The following AMOTL1 variants were observed in gnomAD, a reference collection of about 807,000 sequenced individuals.
AMOTL1 encodes the protein angiomotin-like protein 1.
Under a neutral mutation model 102.9 loss-of-function variants are expected in AMOTL1, and 45 were observed. The ratio of observed to expected loss-of-function variants is 0.44; its 90% CI spans 0.34 to 0.56. The LOEUF (loss-of-function observed/expected upper bound fraction) is 0.56, where lower values mean the gene tolerates loss of function less well. AMOTL1 is among the 20% of genes least tolerant of loss of function. The pLI, the probability that AMOTL1 is intolerant of heterozygous loss-of-function variation, is 0.01. For missense variants in AMOTL1, 1,114 were observed against 1,225.6 expected, an observed-to-expected ratio of 0.91 and a Z score of 1.36; for synonymous variants, 481 against 484.7, an observed-to-expected ratio of 0.99 and a Z score of 0.10.
intron 1 of AMOTL1, among the ~76,000 whole-genome samples, chr11:94,774,066 A>G (rs1198439987): frequency 6.6e-6 from 1 of 152,214 alleles, no homozygotes; most frequent in African/African-American, 2.4e-5. Flanking sequence ...AATGCTGGGC[A>G]CGTTGAAAGC....
intron 3 of AMOTL1, among the ~76,000 whole-genome samples, chr11:94,756,310 C>A (rs1047614791): frequency 6.6e-6 from 1 of 152,168 alleles, no homozygotes; most frequent in Non-Finnish European, 1.5e-5. Context: ...TGGGCACAGG[C>A]CCGAGGATGG....
At chr11:94,838,544 TACCAAA>T (rs1376865171) in intron 6 of AMOTL1, among the ~76,000 whole-genome samples, 1 of 152,154 alleles carries the variant, frequency 6.6e-6, no homozygotes, top group Non-Finnish European at 1.5e-5. Context: ...AAACCTTATT[TACCAAA>T]ACAGGCTGTG....
chr11:94,752,724 T>C lies in AMOTL1; in HGVS notation c.136+11736T>C, dbSNP rs147250194. Among the ~76,000 whole-genome samples, 870 of 152,326 alleles carry C rather than the reference T, an allele frequency of 5.7e-3. 11 individuals are homozygous for C. The highest frequency in any genetic ancestry group is 0.02 in the African/African-American group (825 of 41,572). On this transcript the variant is annotated intron_variant, in intron 3 of 4. Coordinates refer to the AMOTL1 transcript ENST00000299004. ...GTGGACACTGAGACTGCTTTCAGGT[T>C]GCTGTCTAACAGTCAATAGCTTTTG...
intron 9 of AMOTL1, among the ~76,000 whole-genome samples, chr11:94,864,276 ATAG>A (rs1952833669): frequency 6.8e-6 from 1 of 147,702 alleles, no homozygotes; most frequent in African/African-American, 2.5e-5. Flanking sequence ...AATAATAATA[ATAG>A]TGTCCATAAG....
chr11:94,842,612 A>G (rs1952329864), intron 6 of AMOTL1, among the ~76,000 whole-genome samples: 1 of 152,248 alleles, frequency 6.6e-6, no homozygotes, highest in Admixed American at 6.5e-5. Flanking sequence ...CCATCTCTCC[A>G]GAAGATTTCT....
intron 4 of AMOTL1, among the ~76,000 whole-genome samples, chr11:94,828,990 A>G (rs1293753876): frequency 6.6e-6 from 1 of 152,178 alleles, no homozygotes; most frequent in Non-Finnish European, 1.5e-5. Flanking sequence ...TAACAATACA[A>G]TGGGATTTAT....
intron 1 of AMOTL1, among the ~76,000 whole-genome samples, chr11:94,785,220 C>T (rs1375564938): frequency 6.6e-6 from 1 of 152,136 alleles, no homozygotes; most frequent in African/African-American, 2.4e-5. Context: ...TTACAACTCT[C>T]CTAATTTTAA....
intron 4 of AMOTL1, among the ~76,000 whole-genome samples, chr11:94,822,382 G>A (rs2033366): frequency 0.21 from 31,706 of 152,032 alleles, 4,223 homozygotes; most frequent in East Asian, 0.46. Context: ...AGTCAAGATC[G>A]CTCCACTGCA....
intron 3 of AMOTL1, among the ~76,000 whole-genome samples, chr11:94,755,185 G>T (rs1320336084): frequency 7.2e-5 from 11 of 152,108 alleles, no homozygotes; most frequent in Admixed American, 7.2e-4. Flanking sequence ...ACAACTTCAG[G>T]GATTTGATGC....
At chr11:94,828,440 T>C (rs1277225940) in intron 4 of AMOTL1, among the ~76,000 whole-genome samples, 1 of 152,126 alleles carries the variant, frequency 6.6e-6, no homozygotes, top group Non-Finnish European at 1.5e-5. Flanking sequence ...CTATAAAAAC[T>C]TGGATGAGAT....
At chr11:94,743,195 T>C (rs1438854181) in intron 3 of AMOTL1, among the ~76,000 whole-genome samples, 6 of 152,178 alleles carry the variant, frequency 3.9e-5, no homozygotes, top group Non-Finnish European at 8.8e-5. Context: ...CTCAGTTTCC[T>C]TATCTGCAAA....
chr11:94,732,840 G>A (rs536351559), intron 2 of AMOTL1, among the ~76,000 whole-genome samples: 29 of 152,296 alleles, frequency 1.9e-4, no homozygotes, highest in African/African-American at 4.8e-4. Context: ...GCCTGGCAGC[G>A]TGGGCCAGGT....
upstream of AMOTL1, chr11:94,768,329 G>GTCTCGCGGC: frequency 7.3e-7 from 1 of 1,367,658 alleles, no homozygotes; most frequent in Non-Finnish European, 9.4e-7. Context: ...CCGCGCGCGG[G>GTCTCGCGGC]GAGCGGGGAG....
chr11:94,768,556 G>GAA lies in AMOTL1; in HGVS notation c.47_48dup (p.Gly17LysfsTer17), dbSNP rs1381891163. The GAA allele has an allele frequency of 6.3e-7, 1 of 1,597,014 alleles. No homozygotes were observed. On this transcript the variant is annotated frameshift_variant, in exon 1 of 13. Transcript: ENST00000433060. LOFTEE classifies it high-confidence loss of function. The stretch of plus-strand genomic sequence containing the variant: ...GCCGGGGAACTTGTGAGCCTGCGGT[G>GAA]AAAGGTAACCAGCCCCCACTCGAGG...
intron 3 of AMOTL1, among the ~76,000 whole-genome samples, chr11:94,743,191 T>G (rs1410259442): frequency 6.6e-6 from 1 of 152,208 alleles, no homozygotes; most frequent in Non-Finnish European, 1.5e-5. Context: ...TAGCCTCAGT[T>G]TCCTTATCTG....
Position 94,870,853 on chromosome 11 carries a change from A to G in AMOTL1, c.*58A>G. ...CTGACAAACAAGGAAAGCGGCAGAG[A>G]AAGAAGAAAGACCTAGAAGGTTGTA... On this transcript the variant is annotated 3_prime_UTR_variant, in exon 13 of 13. Transcript: ENST00000433060. 1 of 1,404,884 alleles carries G rather than the reference A, an allele frequency of 7.1e-7. No individual in the cohort carries two copies. The highest frequency in any genetic ancestry group is 9.7e-7 in the Non-Finnish European group (1 of 1,029,090). The allele number at this position is 1,404,884 out of a possible 1,614,324, so 87.0% of individuals were successfully genotyped here.
chr11:94,825,888 A>G (rs571232620), intron 4 of AMOTL1, among the ~76,000 whole-genome samples: 2 of 152,350 alleles, frequency 1.3e-5, no homozygotes, highest in South Asian at 4.1e-4. Context: ...GAAAGGAGGT[A>G]TTCATCTTTT....
chr11:94,865,849 A>T, intron 10 of AMOTL1, 93 bp from the exon 11 acceptor site: 2 of 1,086,330 alleles, frequency 1.8e-6, no homozygotes, highest in African/African-American at 1.6e-5. Flanking sequence ...TCCCTAAATT[A>T]CAATTAAAGT....
At chr11:94,868,572 C>T (rs1366173333) in intron 11 of AMOTL1, among the ~76,000 whole-genome samples, 1 of 152,166 alleles carries the variant, frequency 6.6e-6, no homozygotes, top group Non-Finnish European at 1.5e-5. Flanking sequence ...GGCTACAGTT[C>T]CACCGCAGAA....
Sources: gnomAD v4.1 joint callset for allele counts (sites outside exome capture counted in the v4.1 genomes callset) on GRCh38, gnomAD v4.1.1 for gene constraint, MANE v1.5 for transcripts, NCBI Gene and HGNC (gene_info 2026-07-23, HGNC 2026-07-21) for gene names.